Variants in RBFOX1 observed in about 807,000 individuals in gnomAD.
RBFOX1 encodes RNA binding protein fox-1 homolog 1.
A neutral mutation model predicts 57.7 loss-of-function variants in RBFOX1; 8 were observed. The ratio of observed to expected loss-of-function variants is 0.14; its 90% CI spans 0.08 to 0.25. The LOEUF (loss-of-function observed/expected upper bound fraction) is 0.25. Among genes scored for constraint, RBFOX1 ranks in the 10% least tolerant of loss-of-function variants. The pLI is 1.00. For synonymous variants in RBFOX1, 326 were observed against 222.4 expected (o/e 1.47, Z -4.15); for missense variants, 611 against 548.5 (o/e 1.11, Z -1.14).
intron 2 of RBFOX1, among the ~76,000 whole-genome samples, chr16:6,584,463 G>A (rs888259295): frequency 2.6e-5 from 4 of 151,414 alleles, no homozygotes; most frequent in East Asian, 1.9e-4. Flanking sequence ...TGCCTCCTGG[G>A]TTCCAGCAAT....
At chr16:6,860,069 A>G (rs2058727106) in intron 3 of RBFOX1, among the ~76,000 whole-genome samples, 1 of 152,186 alleles carries the variant, frequency 6.6e-6, no homozygotes, top group Admixed American at 6.5e-5. Context: ...GTAAGTGAAG[A>G]GAGAGCATTT....
chr16:5,621,880 G>C, intron 3 of RBFOX1, among the ~76,000 whole-genome samples: 1 of 152,194 alleles, frequency 6.6e-6, no homozygotes, highest in East Asian at 1.9e-4. Context: ...AGGGGTAGTA[G>C]TGATGATGTC....
intron 1 of RBFOX1, among the ~76,000 whole-genome samples, chr16:5,465,951 G>A (rs562773061): frequency 6.6e-6 from 1 of 152,268 alleles, no homozygotes; most frequent in South Asian, 2.1e-4. Flanking sequence ...GCTCCCAGGG[G>A]CACCTTGTTG....
At chr16:6,955,232 C>A (rs889400178) in intron 3 of RBFOX1, among the ~76,000 whole-genome samples, 6 of 152,070 alleles carry the variant, frequency 3.9e-5, no homozygotes, top group African/African-American at 9.6e-5. Context: ...CAGAGTGAGA[C>A]CTTGTCTGGG....
intron 4 of RBFOX1, among the ~76,000 whole-genome samples, chr16:5,975,321 C>A (rs933221476): frequency 6.6e-6 from 1 of 152,168 alleles, no homozygotes; most frequent in Admixed American, 6.5e-5. Context: ...CACCCAAGCT[C>A]TGCAGCCTTC....
chr16:5,422,946 G>C (rs1320141579), intron 1 of RBFOX1, among the ~76,000 whole-genome samples: 1 of 123,260 alleles, frequency 8.1e-6, no homozygotes, highest in Non-Finnish European at 1.7e-5. Context: ...GAGAGGGAAG[G>C]GGGAGGAAAG....
chr16:6,535,506 A>G (rs2096722638), intron 2 of RBFOX1, among the ~76,000 whole-genome samples: 1 of 152,198 alleles, frequency 6.6e-6, no homozygotes, highest in Non-Finnish European at 1.5e-5. Context: ...CCCATTCCCT[A>G]TAAACTCCAT....
chr16:6,488,298 G>T (rs1390784480), intron 2 of RBFOX1, among the ~76,000 whole-genome samples: 1 of 152,210 alleles, frequency 6.6e-6, no homozygotes, highest in Admixed American at 6.5e-5. Context: ...GTAAGTACTA[G>T]TTGGATTTAT....
rs938865217 is a variant in RBFOX1, at chr16:6,898,643, A to C, written c.-15-153414A>C. Among the ~76,000 whole-genome samples, 10 of 152,288 alleles carry C rather than the reference A, an allele frequency of 6.6e-5. 2 individuals are homozygous for C. The highest frequency in any genetic ancestry group is 1.9e-4 in the East Asian group (1 of 5,180). The stretch of plus-strand genomic sequence containing the variant: ...TTTTTAAAATACTGGAGTGTTTCTG[A>C]AAGAGATAATTCAGCTCTGAGTTTC... On this transcript the variant is annotated intron_variant, in intron 3 of 15. Transcript: ENST00000550418.
chr16:6,394,869 C>T (rs1038759614), intron 2 of RBFOX1, among the ~76,000 whole-genome samples: 9 of 152,150 alleles, frequency 5.9e-5, no homozygotes, highest in Non-Finnish European at 1.3e-4. Context: ...AAAAATCTCA[C>T]AGCTGTGTAT....
intron 3 of RBFOX1, among the ~76,000 whole-genome samples, chr16:6,910,155 G>A (rs1315617833): frequency 6.6e-6 from 1 of 151,952 alleles, no homozygotes; most frequent in Non-Finnish European, 1.5e-5. Context: ...GGCTTTGATG[G>A]AACTCTAGGA....
intron 4 of RBFOX1, among the ~76,000 whole-genome samples, chr16:5,989,752 G>C (rs2060354680): frequency 1.3e-5 from 2 of 151,606 alleles, no homozygotes. Context: ...GCTTATCTTG[G>C]TCATGAGAAT....
chr16:6,344,491 G>T (rs549026628), intron 2 of RBFOX1, among the ~76,000 whole-genome samples: 19 of 139,456 alleles, frequency 1.4e-4, no homozygotes, highest in Non-Finnish European at 2.7e-4. Flanking sequence ...TCTGCCTCCC[G>T]GGTTCACGCC....
chr16:7,448,641 A>G (rs2098826853), intron 4 of RBFOX1, among the ~76,000 whole-genome samples: 1 of 152,162 alleles, frequency 6.6e-6, no homozygotes, highest in Non-Finnish European at 1.5e-5. Flanking sequence ...GGCACAGCAT[A>G]ACTGTAGCAA....
intron 3 of RBFOX1, among the ~76,000 whole-genome samples, chr16:6,910,528 G>T (rs1425769570): frequency 6.6e-6 from 1 of 152,208 alleles, no homozygotes; most frequent in Admixed American, 6.5e-5. Context: ...TTTCCTTGTA[G>T]TTCTGGAGGT....
At position 5,906,586 on chromosome 16, in the gene RBFOX1, C is replaced by G. The variant is rs146109189; in HGVS notation, c.351+39251C>G. The stretch of plus-strand genomic sequence containing the variant: ...ATTATGGCAGCCCTCCAAACGAATA[C>G]TTGCAGGAAGGCTCTTTTTCATGGG... On this transcript the variant is annotated intron_variant, in intron 4 of 19. Transcript: ENST00000641259. Among the ~76,000 whole-genome samples, 932 of 152,240 alleles carry G rather than the reference C, an allele frequency of 6.1e-3. 33 individuals are homozygous for G. The highest frequency in any genetic ancestry group is 0.048 in the Admixed American group (740 of 15,284).
At chr16:6,407,220 C>T (rs1341938430) in intron 2 of RBFOX1, among the ~76,000 whole-genome samples, 1 of 152,048 alleles carries the variant, frequency 6.6e-6, no homozygotes, top group Non-Finnish European at 1.5e-5. Context: ...TATATACCTA[C>T]ATCCTTATCT....
chr16:6,142,282 C>T (rs977085873), intron 1 of RBFOX1, among the ~76,000 whole-genome samples: 13 of 130,264 alleles, frequency 1.0e-4, no homozygotes, highest in African/African-American at 3.2e-4. Flanking sequence ...AGTGAAATGG[C>T]GTGATCTTGG....
chr16:6,313,179 G>T (rs941782292), intron 1 of RBFOX1, among the ~76,000 whole-genome samples: 1 of 152,136 alleles, frequency 6.6e-6, no homozygotes, highest in African/African-American at 2.4e-5. Context: ...ACCCGGGACT[G>T]GGGGGAAGTG....
Sources: allele counts gnomAD v4.1 joint callset (sites outside exome capture counted in the v4.1 genomes callset), GRCh38; gene constraint gnomAD v4.1.1; transcripts MANE v1.5; gene names NCBI Gene and HGNC (gene_info 2026-07-23, HGNC 2026-07-21).